The following BLM variants were observed in gnomAD, a reference collection of about 807,000 sequenced individuals.
BLM encodes recQ-like DNA helicase BLM.
BLM carries 95 observed loss-of-function variants against 135.3 expected under a neutral mutation model. The ratio of observed to expected loss-of-function variants is 0.70; its 90% confidence interval spans 0.59 to 0.83. The LOEUF (loss-of-function observed/expected upper bound fraction) is 0.83. BLM is among the 40% of genes least tolerant of loss of function. BLM has a pLI of 0.00. For synonymous variants in BLM, 520 were observed against 589.2 expected (o/e 0.88, Z 1.70); for missense variants, 1,518 against 1,663.9 (o/e 0.91, Z 1.53).
intron 1 of BLM, among the ~76,000 whole-genome samples, chr15:90,718,262 G>A (rs1376634079): frequency 6.6e-6 from 1 of 152,196 alleles, no homozygotes; most frequent in South Asian, 2.1e-4. Context: ...GGTTGTCTCC[G>A]TACAGAAAGA....
chr15:90,752,880 A>C (rs1895725300), intron 4 of BLM, among the ~76,000 whole-genome samples: 1 of 152,224 alleles, frequency 6.6e-6, no homozygotes, highest in African/African-American at 2.4e-5. Context: ...CAGGTGAAAC[A>C]GCTGAGGCCC....
At chr15:90,719,910 T>C (rs1476864385) in intron 1 of BLM, among the ~76,000 whole-genome samples, 1 of 152,136 alleles carries the variant, frequency 6.6e-6, no homozygotes, top group Non-Finnish European at 1.5e-5. Context: ...ACCAGAGGCT[T>C]TTGAGCATTC....
At chr15:90,813,111 G>A (rs1265821584) in intron 21 of BLM, among the ~76,000 whole-genome samples, 1 of 152,112 alleles carries the variant, frequency 6.6e-6, no homozygotes, top group Non-Finnish European at 1.5e-5. Flanking sequence ...AGGTAGAAGC[G>A]GACACTGGCC....
At chr15:90,772,417 G>T (rs1487940387) in intron 12 of BLM, among the ~76,000 whole-genome samples, 2 of 152,296 alleles carry the variant, frequency 1.3e-5, no homozygotes, top group Non-Finnish European at 2.9e-5. Context: ...AATAATAATA[G>T]CTAACACTTA....
chr15:90,813,696 A>T (rs1223821208), intron 21 of BLM, among the ~76,000 whole-genome samples: 1 of 152,106 alleles, frequency 6.6e-6, no homozygotes, highest in East Asian at 1.9e-4. Flanking sequence ...CCAAGATGGG[A>T]TTCTTTTTTA....
At chr15:90,743,218 A>G (rs899208161) in intron 1 of BLM, among the ~76,000 whole-genome samples, 2 of 151,766 alleles carry the variant, frequency 1.3e-5, no homozygotes, top group Non-Finnish European at 2.9e-5. Context: ...GGCTCAAGCC[A>G]TCCCCCTGCC....
chr15:90,738,514 C>A (rs1895278565), intron 1 of BLM, among the ~76,000 whole-genome samples: 1 of 151,972 alleles, frequency 6.6e-6, no homozygotes, highest in African/African-American at 2.4e-5. Context: ...GTCGAGGCAG[C>A]CGTGAGCTGT....
At chr15:90,803,306 T>A (rs781404628) in intron 17 of BLM, among the ~76,000 whole-genome samples, 19 of 152,204 alleles carry the variant, frequency 1.2e-4, no homozygotes, top group Non-Finnish European at 2.6e-4. Context: ...TTTGTCCATG[T>A]GTATTGTAAA....
intron 1 of BLM, among the ~76,000 whole-genome samples, chr15:90,719,820 A>C (rs1292283570): frequency 1.3e-5 from 2 of 152,328 alleles, no homozygotes; most frequent in East Asian, 3.9e-4. Context: ...TAATCGTAGA[A>C]TAATCCTAGG....
intron 1 of BLM, among the ~76,000 whole-genome samples, chr15:90,743,135 T>C (rs1895412628): frequency 6.6e-6 from 1 of 151,510 alleles, no homozygotes; most frequent in Non-Finnish European, 1.5e-5. Context: ...TAGTTGGGAC[T>C]GTAGGTGTGT....
intron 3 of BLM, 76 bp from the exon 4 acceptor site, chr15:90,751,711 C>T: frequency 7.5e-7 from 1 of 1,326,252 alleles, no homozygotes; most frequent in African/African-American, 1.4e-5. Context: ...AGCACTCATT[C>T]TTAATCGCTC....
At chr15:90,807,514 C>T (rs1345576397) in intron 19 of BLM, among the ~76,000 whole-genome samples, 2 of 152,118 alleles carry the variant, frequency 1.3e-5, no homozygotes, top group Admixed American at 1.3e-4. Context: ...ATCCTCCTAC[C>T]CCAGCTTCCT....
chr15:90,787,596 A>G (rs1896785032), intron 14 of BLM, among the ~76,000 whole-genome samples: 1 of 152,210 alleles, frequency 6.6e-6, no homozygotes, highest in Non-Finnish European at 1.5e-5. Flanking sequence ...AAGACTTAAT[A>G]TACGTGAACT....
At chr15:90,761,898 G>GTT (rs1192433316) in intron 7 of BLM, among the ~76,000 whole-genome samples, 2 of 152,172 alleles carry the variant, frequency 1.3e-5, no homozygotes, top group African/African-American at 4.8e-5. Context: ...ATTAGCCACT[G>GTT]AAGGCTCCAG....
At chr15:90,809,999 TG>T (rs1897372386) in intron 20 of BLM, among the ~76,000 whole-genome samples, 5 of 151,916 alleles carry the variant, frequency 3.3e-5, no homozygotes, top group African/African-American at 1.2e-4. Flanking sequence ...AGACAGGCAG[TG>T]TGGGGGTCTT....
At chr15:90,813,709 C>A (rs534871725) in intron 21 of BLM, among the ~76,000 whole-genome samples, 167 of 152,146 alleles carry the variant, frequency 1.1e-3, no homozygotes, top group Non-Finnish European at 1.9e-3. Context: ...CTTTTTTAAG[C>A]CCTACCAGCT....
At chr15:90,752,142 A>T (rs1895704929) in intron 4 of BLM, among the ~76,000 whole-genome samples, 196 bp downstream of exon 4, 1 of 151,738 alleles carries the variant, frequency 6.6e-6, no homozygotes, top group African/African-American at 2.4e-5. Flanking sequence ...TCCCATTATG[A>T]TTAATTACAT....
At chr15:90,758,383 A>G (rs921404206) in intron 5 of BLM, among the ~76,000 whole-genome samples, 3 of 152,178 alleles carry the variant, frequency 2.0e-5, no homozygotes, top group Admixed American at 1.3e-4. Context: ...GGCACTCAGG[A>G]GGCTGAGGCA....
At chr15:90,761,596 G>A (rs1256471227) in intron 7 of BLM, among the ~76,000 whole-genome samples, 1 of 152,208 alleles carries the variant, frequency 6.6e-6, no homozygotes, top group African/African-American at 2.4e-5. Context: ...AGCAAAAATG[G>A]ATTCGCATGC....
Sources: gnomAD v4.1 joint callset for allele counts (sites outside exome capture counted in the v4.1 genomes callset) on GRCh38, gnomAD v4.1.1 for gene constraint, MANE v1.5 for transcripts, NCBI Gene and HGNC (gene_info 2026-07-23, HGNC 2026-07-21) for gene names.